HEG1: variants seen among roughly 807,000 people sequenced by gnomAD.
HEG1 encodes the protein protein HEG homolog 1.
A neutral mutation model predicts 125.6 loss-of-function variants in HEG1; 56 were observed. The observed-to-expected ratio is 0.45, with a 90% CI of 0.36 to 0.56. The LOEUF is 0.56. Among genes scored for constraint, HEG1 ranks in the 20% least tolerant of loss-of-function variants. The pLI, the probability that HEG1 is intolerant of heterozygous loss-of-function variation, is 0.00. For missense variants in HEG1, 1,523 were observed against 1,670.0 expected (o/e 0.91, Z 1.53); for synonymous variants, 644 against 668.5 (o/e 0.96, Z 0.57).
At chr3:125,011,835 G>A (rs1937160622) in intron 6 of HEG1, among the ~76,000 whole-genome samples, 1 of 152,186 alleles carries the variant, frequency 6.6e-6, no homozygotes, top group Non-Finnish European at 1.5e-5. Flanking sequence ...AGCCAGAAGT[G>A]TAACTTTGAA....
chr3:125,045,021 G>C (rs970137792), intron 1 of HEG1, among the ~76,000 whole-genome samples: 34 of 152,230 alleles, frequency 2.2e-4, no homozygotes, highest in African/African-American at 7.7e-4. Context: ...AGTAAGAAAA[G>C]GTGGCAAGAG....
At chr3:124,972,696 T>C (rs187079381) in intron 16 of HEG1, among the ~76,000 whole-genome samples, 16 of 152,352 alleles carry the variant, frequency 1.1e-4, no homozygotes, top group Admixed American at 1.0e-3. Flanking sequence ...ACCTGATAAC[T>C]GTTTACTTTT....
chr3:124,991,433 G>A (rs1187286702), intron 12 of HEG1, among the ~76,000 whole-genome samples: 1 of 152,162 alleles, frequency 6.6e-6, no homozygotes, highest in Non-Finnish European at 1.5e-5. Flanking sequence ...TTACAGGCAT[G>A]ATTCGCCATG....
intron 5 of HEG1, among the ~76,000 whole-genome samples, chr3:125,018,077 C>A (rs564604447): frequency 6.6e-6 from 1 of 151,660 alleles, no homozygotes; most frequent in Non-Finnish European, 1.5e-5. Flanking sequence ...TACACTTGTA[C>A]CTGAATGTTC....
chr3:125,027,328 G>A lies in HEG1; in HGVS notation c.790C>T (p.Pro264Ser). Residue 264 changes from proline (P) to serine (S), a missense_variant, in exon 3 of 17, where the codon CCT becomes TCT. Coordinates refer to ENST00000311127, the MANE Select transcript of HEG1 (RefSeq NM_020733.2). Reference sequence around the variant, plus strand: ...GTCAGCTCTCCCATCTCCAAAGCAGGAAGAAAGGACGGGCTCCAAGCCGAA... The same window carrying A: ...GTCAGCTCTCCCATCTCCAAAGCAGAAAGAAAGGACGGGCTCCAAGCCGAA... ...TTSAWSPSFL[P>S]ALEMGELTTP... is the part of the protein sequence containing the mutation. 1 of 1,613,960 alleles carries A rather than the reference G, an allele frequency of 6.2e-7. No individual in the cohort carries two copies.
rs1242762729 is a variant in HEG1 at position 125,029,186 on chromosome 3, C to T, written c.610+9G>A. ...ATGCGTGAAATGCGCATCATCAGCACAAGCTCACCTAAGTTGCCACTCTGG... is the reference window on the plus strand; with the variant it reads ...ATGCGTGAAATGCGCATCATCAGCATAAGCTCACCTAAGTTGCCACTCTGG... On this transcript the variant is annotated intron_variant, in intron 2 of 16. Transcript: ENST00000311127. 6.2e-7 allele frequency: 1 copy of T among 1,609,116 alleles called. No homozygotes were observed. The highest frequency in any genetic ancestry group is 8.5e-7 in the Non-Finnish European group (1 of 1,177,792).
chr3:125,004,391 A>G (rs749545659), intron 9 of HEG1, among the ~76,000 whole-genome samples: 16 of 152,202 alleles, frequency 1.1e-4, no homozygotes, highest in Non-Finnish European at 1.8e-4. Context: ...CAAATCTCTG[A>G]CTCAGATAGC....
chr3:125,009,966 C>CCTG, intron 7 of HEG1, 142 bp from the exon 8 acceptor site: 1 of 794,008 alleles, frequency 1.3e-6, no homozygotes, highest in Non-Finnish European at 1.8e-6. Context: ...CACTCTTGCC[C>CCTG]TCAAGGGGCT....
At chr3:125,043,696 G>A (rs900876231) in intron 1 of HEG1, among the ~76,000 whole-genome samples, 3 of 152,144 alleles carry the variant, frequency 2.0e-5, no homozygotes, top group African/African-American at 7.2e-5. Context: ...CTCTGGACGC[G>A]AAGGCCAAGG....
intron 1 of HEG1, among the ~76,000 whole-genome samples, chr3:125,046,434 C>T (rs866207220): frequency 6.4e-4 from 63 of 97,954 alleles, no homozygotes; most frequent in Non-Finnish European, 9.3e-4. Flanking sequence ...CACACACACA[C>T]ATATATATTT....
chr3:125,051,854 A>G (rs1937812791), intron 1 of HEG1, among the ~76,000 whole-genome samples: 1 of 152,176 alleles, frequency 6.6e-6, no homozygotes, highest in African/African-American at 2.4e-5. Context: ...ATTCAGGAAC[A>G]CTGTTTTCAG....
intron 1 of HEG1, among the ~76,000 whole-genome samples, chr3:125,039,848 A>C (rs1579435795): frequency 6.7e-6 from 1 of 149,494 alleles, no homozygotes; most frequent in African/African-American, 2.5e-5. Flanking sequence ...AAAAAAAAAA[A>C]ACAACAAAAA....
intron 2 of HEG1, among the ~76,000 whole-genome samples, chr3:125,028,454 C>T (rs1937449746): frequency 6.6e-6 from 1 of 152,210 alleles, no homozygotes; most frequent in African/African-American, 2.4e-5. Flanking sequence ...AGAGAGGCCA[C>T]ACCTGTCTTT....
chr3:125,034,841 C>T (rs894580752), intron 1 of HEG1, among the ~76,000 whole-genome samples: 2 of 151,556 alleles, frequency 1.3e-5, no homozygotes, highest in Admixed American at 6.6e-5. Context: ...TAACAGAATG[C>T]CCAAAATGAG....
chr3:125,036,356 C>T (rs1378575740), intron 1 of HEG1, among the ~76,000 whole-genome samples: 2 of 150,218 alleles, frequency 1.3e-5, no homozygotes, highest in African/African-American at 4.9e-5. Context: ...GCAACATAAG[C>T]AGGTTAGAGA....
intron 1 of HEG1, among the ~76,000 whole-genome samples, chr3:125,047,363 T>TG (rs1579440664): frequency 5.3e-5 from 8 of 152,372 alleles, no homozygotes; most frequent in Admixed American, 3.9e-4. Context: ...ACAGGTGTTA[T>TG]CTGCACCTCT....
chr3:125,009,731 T>C lies in HEG1; in HGVS notation c.3167A>G (p.Gln1056Arg). 6.2e-7 allele frequency: 1 copy of C among 1,613,576 alleles called. No homozygotes were observed. The highest frequency in any genetic ancestry group is 8.5e-7 in the Non-Finnish European group (1 of 1,179,596). Residue 1056 changes from glutamine (Q) to arginine (R), a missense_variant, in exon 8 of 17, where the codon CAG (glutamine) becomes CGG (arginine). Gln to Arg is a conservative substitution (Grantham distance 43, BLOSUM62 1). Transcript: ENST00000311127. ...CAAATTGCATATCCCTTTTTCCAAC[T>C]GGTACCCAACCGGGCATTTGCAGAT... The part of the protein sequence containing the change: ...SFICKCPVGY[Q>R]LEKGICNLVR...
chr3:125,053,504 AACATC>A (rs1937862056), intron 1 of HEG1, among the ~76,000 whole-genome samples: 2 of 152,176 alleles, frequency 1.3e-5, no homozygotes, highest in Admixed American at 6.5e-5. Context: ...GCACCTTCCT[AACATC>A]CCTTCAGAGA....
intron 13 of HEG1, 30 bp downstream of exon 13, chr3:124,990,913 CA>C (rs1323159884): frequency 6.4e-7 from 1 of 1,554,510 alleles, no homozygotes; most frequent in East Asian, 2.4e-5. Context: ...AGATTTGTAA[CA>C]AAATTAGACT....
Sources: allele counts gnomAD v4.1 joint callset (sites outside exome capture counted in the v4.1 genomes callset), GRCh38; gene constraint gnomAD v4.1.1; transcripts MANE v1.5; gene names NCBI Gene and HGNC (gene_info 2026-07-23, HGNC 2026-07-21).